Variants in REDIC1 observed in about 807,000 individuals in gnomAD.
The protein encoded by REDIC1 is regulator of DNA class I crossover intermediates 1.
the REDIC1 span, among the ~76,000 whole-genome samples, chr12:39,902,412 A>C: frequency 6.6e-6 from 1 of 152,236 alleles, no homozygotes; most frequent in Admixed American, 6.5e-5. Flanking sequence ...AACTATTTTT[A>C]AACTTGAAAT....
the REDIC1 span, among the ~76,000 whole-genome samples, chr12:39,736,278 C>T: frequency 9.9e-5 from 15 of 152,126 alleles, no homozygotes; most frequent in Non-Finnish European, 1.5e-4. Context: ...CCTTTCTTTT[C>T]CTCCCTTTTC....
the REDIC1 span, among the ~76,000 whole-genome samples, chr12:39,712,310 A>ATATACATGTATATATAACTG: frequency 8.6e-5 from 4 of 46,708 alleles, no homozygotes; most frequent in Admixed American, 2.4e-4. Flanking sequence ...ACATACATAT[A>ATATACATGTATATATAACTG]TATGTATATA....
At chr12:39,815,593 T>G in the REDIC1 span, among the ~76,000 whole-genome samples, 1 of 152,168 alleles carries the variant, frequency 6.6e-6, no homozygotes, top group Non-Finnish European at 1.5e-5. Context: ...AGTTTCTAGT[T>G]TGGGGGACGG....
the REDIC1 span, among the ~76,000 whole-genome samples, chr12:39,782,374 T>A: frequency 6.6e-6 from 1 of 152,246 alleles, no homozygotes; most frequent in South Asian, 2.1e-4. Flanking sequence ...ATTCTTGTAA[T>A]AGTGAGTAAG....
the REDIC1 span, among the ~76,000 whole-genome samples, chr12:39,718,327 A>T: frequency 1.3e-5 from 2 of 152,090 alleles, no homozygotes; most frequent in Non-Finnish European, 2.9e-5. Context: ...TCGGTGTTGA[A>T]CTGATGGGAT....
chr12:39,812,559 G>A, the REDIC1 span, among the ~76,000 whole-genome samples: 2 of 151,374 alleles, frequency 1.3e-5, no homozygotes, highest in African/African-American at 2.4e-5. Context: ...TGCAACCTCC[G>A]CCTCTGAGAT....
At chr12:39,850,003 T>C in the REDIC1 span, among the ~76,000 whole-genome samples, 2 of 152,284 alleles carry the variant, frequency 1.3e-5, no homozygotes, top group East Asian at 3.9e-4. Flanking sequence ...TCTTTCCTCA[T>C]TTTTCTTGAA....
the REDIC1 span, among the ~76,000 whole-genome samples, chr12:39,859,132 T>A: frequency 6.6e-6 from 1 of 152,110 alleles, no homozygotes; most frequent in Admixed American, 6.6e-5. Context: ...CATCTACAGA[T>A]GAAGCCACAG....
the REDIC1 span, among the ~76,000 whole-genome samples, chr12:39,681,241 C>T: frequency 2.6e-5 from 4 of 152,132 alleles, no homozygotes; most frequent in African/African-American, 9.7e-5. Flanking sequence ...TACTGCACTC[C>T]AGCCTGAATG....
At chr12:39,721,121 T>G in the REDIC1 span, 1 of 1,613,756 alleles carries the variant, frequency 6.2e-7, no homozygotes, top group South Asian at 1.1e-5. Context: ...AAATTAGATG[T>G]TGCCATACAG....
the REDIC1 span, among the ~76,000 whole-genome samples, chr12:39,811,501 T>C: frequency 6.6e-6 from 1 of 152,160 alleles, no homozygotes; most frequent in Non-Finnish European, 1.5e-5. Context: ...CTTGATATGT[T>C]ATAATTTCAT....
the REDIC1 span, among the ~76,000 whole-genome samples, chr12:39,701,559 G>A: frequency 6.6e-6 from 1 of 152,004 alleles, no homozygotes; most frequent in Admixed American, 6.6e-5. Flanking sequence ...GGATACCCAG[G>A]AATTGAACTC....
chr12:39,720,343 TAATG>T, the REDIC1 span, among the ~76,000 whole-genome samples: 1 of 152,066 alleles, frequency 6.6e-6, no homozygotes, highest in Non-Finnish European at 1.5e-5. Flanking sequence ...ATTTTTTACT[TAATG>T]AATCAATAAA....
At chr12:39,864,097 T>C in the REDIC1 span, among the ~76,000 whole-genome samples, 1 of 152,222 alleles carries the variant, frequency 6.6e-6, no homozygotes, top group Admixed American at 6.5e-5. Flanking sequence ...TTAATCGATG[T>C]GTCCAATCAC....
the REDIC1 span, among the ~76,000 whole-genome samples, chr12:39,816,194 G>A: frequency 5.3e-5 from 8 of 152,084 alleles, no homozygotes; most frequent in African/African-American, 1.7e-4. Context: ...CGCTAGTTAT[G>A]ATTCTCAAAT....
the REDIC1 span, among the ~76,000 whole-genome samples, chr12:39,714,978 G>A: frequency 1.4e-4 from 22 of 151,956 alleles, no homozygotes; most frequent in Non-Finnish European, 2.4e-4. Flanking sequence ...TTTGTCAGAT[G>A]TATAGATTGT....
At chr12:39,629,821 T>C in the REDIC1 span, among the ~76,000 whole-genome samples, 2 of 152,200 alleles carry the variant, frequency 1.3e-5, no homozygotes, top group African/African-American at 4.8e-5. Context: ...TCTTTGAGAC[T>C]TGCTAATCAA....
chr12:39,671,684 C>T, the REDIC1 span, among the ~76,000 whole-genome samples: 278 of 152,142 alleles, frequency 1.8e-3, no homozygotes, highest in African/African-American at 5.9e-3. Flanking sequence ...GACAGGTTGG[C>T]CTGGCTAGTC....
chr12:39,692,249 AT>A, the REDIC1 span: 4 of 786,170 alleles, frequency 5.1e-6, no homozygotes, highest in South Asian at 7.3e-5. Context: ...TACTAATGCA[AT>A]TGACTCGTTA....
Sources: gnomAD v4.1 joint callset for allele counts (sites outside exome capture counted in the v4.1 genomes callset) on GRCh38, gnomAD v4.1.1 for gene constraint, MANE v1.5 for transcripts, NCBI Gene and HGNC (gene_info 2026-07-23, HGNC 2026-07-21) for gene names.